Variants in RPL22 observed in about 807,000 individuals in gnomAD.
RPL22 encodes large ribosomal subunit protein eL22.
A neutral mutation model predicts 16.2 loss-of-function variants in RPL22; 4 were observed. The observed-to-expected ratio is 0.25, with a 90% confidence interval of 0.12 to 0.57. The LOEUF is 0.57. Among genes scored for constraint, RPL22 ranks in the 20% least tolerant of loss-of-function variants. The pLI, the probability that RPL22 is intolerant of heterozygous loss-of-function variation, is 0.92. For missense variants in RPL22, 83 were observed against 156.1 expected (o/e 0.53, Z 2.49); for synonymous variants, 43 against 54.8 (o/e 0.78, Z 0.95).
chr1:6,190,981 T>C (rs1480163311), intron 3 of RPL22, among the ~76,000 whole-genome samples: 1 of 151,844 alleles, frequency 6.6e-6, no homozygotes, highest in Non-Finnish European at 1.5e-5. Flanking sequence ...CCAGCACTTT[T>C]GGGAGGCCAA....
At chr1:6,190,882 G>A (rs1038875080) in intron 3 of RPL22, among the ~76,000 whole-genome samples, 2 of 152,172 alleles carry the variant, frequency 1.3e-5, no homozygotes, top group African/African-American at 4.8e-5. Context: ...CAGATTCCTT[G>A]TTCAGTGCCA....
At chr1:6,199,230 C>T (rs1667761481) in intron 1 of RPL22, 3 of 364,364 alleles carry the variant, frequency 8.2e-6, no homozygotes, top group Non-Finnish European at 1.4e-5. Flanking sequence ...CTTCCCCGCC[C>T]TCCACCCAGG....
chr1:6,190,348 T>C (rs1269365703), intron 3 of RPL22, among the ~76,000 whole-genome samples: 2 of 152,218 alleles, frequency 1.3e-5, no homozygotes, highest in Non-Finnish European at 1.5e-5. Context: ...TACCTTAAAA[T>C]TTCCCACCAC....
chr1:6,193,245 T>C (rs1164770244), intron 2 of RPL22, among the ~76,000 whole-genome samples, 191 bp from the exon 3 acceptor site: 1 of 151,956 alleles, frequency 6.6e-6, no homozygotes, highest in Non-Finnish European at 1.5e-5. Flanking sequence ...CAGACTCAAG[T>C]GATCCTCCCA....
At position 6,186,552 on chromosome 1, in the gene RPL22, T is replaced by C. The variant is rs1188078592; in HGVS notation, c.*120A>G. Reference sequence around the variant, plus strand: ...ATGAGTGGCGAACCAAGGGAAGCCCTTTGACTATGATTTCCAATTTTCTGT... The same window carrying C: ...ATGAGTGGCGAACCAAGGGAAGCCCCTTGACTATGATTTCCAATTTTCTGT... On this transcript the variant is annotated 3_prime_UTR_variant, in exon 4 of 4. Transcript: ENST00000234875. 3 of 635,342 alleles carry C rather than the reference T, an allele frequency of 4.7e-6. No homozygotes were observed. In the African/African-American group the frequency reaches 5.9e-5, roughly 12 times the overall value. The allele number at this position is 635,342 out of a possible 1,614,324, so 39.4% of individuals were successfully genotyped here.
At chr1:6,196,375 G>T (rs981305248) in intron 2 of RPL22, among the ~76,000 whole-genome samples, 1 of 152,134 alleles carries the variant, frequency 6.6e-6, no homozygotes, top group Non-Finnish European at 1.5e-5. Flanking sequence ...GATAGAGAAA[G>T]AACTAAGGAA....
At chr1:6,197,477 GAAACAAGACTTGGAAAC>G (rs1429606759) in intron 2 of RPL22, among the ~76,000 whole-genome samples, 158 bp downstream of exon 2, 1 of 152,192 alleles carries the variant, frequency 6.6e-6, no homozygotes, top group African/African-American at 2.4e-5. Flanking sequence ...CACACAAGAA[GAAACAAGACTTGGAAAC>G]AAACAAGTAA....
intron 3 of RPL22, among the ~76,000 whole-genome samples, chr1:6,191,940 A>G (rs1483084807): frequency 6.6e-6 from 1 of 151,406 alleles, no homozygotes; most frequent in Non-Finnish European, 1.5e-5. Flanking sequence ...CAGAGGTTGC[A>G]GTGAGCCAAG....
intron 3 of RPL22, among the ~76,000 whole-genome samples, chr1:6,190,229 C>A (rs925611811): frequency 2.0e-5 from 3 of 152,230 alleles, no homozygotes; most frequent in African/African-American, 7.2e-5. Context: ...AAGCCCCATT[C>A]TCACTGCTTC....
At chr1:6,196,518 G>A (rs941408332) in intron 2 of RPL22, among the ~76,000 whole-genome samples, 2 of 152,164 alleles carry the variant, frequency 1.3e-5, no homozygotes, top group Non-Finnish European at 2.9e-5. Context: ...TATTTTTGTT[G>A]TAATGATACT....
chr1:6,186,450 C>T lies in RPL22; in HGVS notation c.*222G>A. On this transcript the variant is annotated 3_prime_UTR_variant, in exon 4 of 4. Coordinates refer to ENST00000234875, the MANE Select transcript of RPL22 (RefSeq NM_000983.4). ...ATGGCTGTCAGTTCGGTAAAGTCACCCTCTCCTTCTACTCTGGTATTACCA... is the reference window on the plus strand; with the variant it reads ...ATGGCTGTCAGTTCGGTAAAGTCACTCTCTCCTTCTACTCTGGTATTACCA... 1 of 407,810 alleles carries T rather than the reference C, an allele frequency of 2.5e-6. No homozygotes were observed. The highest frequency in any genetic ancestry group is 4.4e-6 in the Non-Finnish European group (1 of 228,146). 25.3% of individuals were successfully genotyped at this position (407,810 alleles called of 1,614,324 possible).
Position 6,185,434 on chromosome 1 carries a change from A to G in RPL22, c.*1238T>C. On this transcript the variant is annotated 3_prime_UTR_variant, in exon 4 of 4. Transcript: ENST00000234875. ...GAAATGGAAAAATGCCAGAGCCTTTAACACAAGTGAAATTGCAAAGCCTCA... is the reference window on the plus strand; with the variant it reads ...GAAATGGAAAAATGCCAGAGCCTTTGACACAAGTGAAATTGCAAAGCCTCA... 1 of 398,932 alleles carries G rather than the reference A, an allele frequency of 2.5e-6. No homozygotes were observed. The highest frequency in any genetic ancestry group is 4.4e-6 in the Non-Finnish European group (1 of 225,988). 24.7% of individuals were successfully genotyped at this position (398,932 alleles called of 1,614,324 possible).
In RPL22 at chr1:6,195,653, G is replaced by A. The variant is rs1047127223; in HGVS notation, c.117+1999C>T. On this transcript the variant is annotated intron_variant, in intron 2 of 3. Coordinates refer to ENST00000234875, the MANE Select transcript of RPL22 (RefSeq NM_000983.4). ...TGTAATCTCAGCTACTCGGGAGGCT[G>A]AGAAAGAGAATCACTTAAACCTGGA... 4.0e-5 allele frequency among the ~76,000 whole-genome samples: 6 copies of A among 150,610 alleles called. No homozygotes were observed. In the South Asian group the frequency reaches 6.3e-4, roughly 16 times the overall value.
chr1:6,192,037 G>C (rs1311042483), intron 3 of RPL22, among the ~76,000 whole-genome samples: 2 of 149,734 alleles, frequency 1.3e-5, no homozygotes, highest in African/African-American at 4.9e-5. Flanking sequence ...CTGTGATCTA[G>C]AGACAGGAGG....
intron 1 of RPL22, chr1:6,198,531 C>G (rs1284010860): frequency 6.6e-6 from 1 of 152,236 alleles, no homozygotes; most frequent in South Asian, 2.1e-4. Flanking sequence ...ACTTGTGCAT[C>G]GTACCAACCT....
At chr1:6,197,551 C>A in intron 2 of RPL22, 101 bp downstream of exon 2, 2 of 718,532 alleles carry the variant, frequency 2.8e-6, no homozygotes, top group East Asian at 2.7e-5. Context: ...ACCTGTGAAG[C>A]TGCCTATAAG....
chr1:6,196,463 C>A (rs1050167486), intron 2 of RPL22, among the ~76,000 whole-genome samples: 1 of 152,152 alleles, frequency 6.6e-6, no homozygotes, highest in Non-Finnish European at 1.5e-5. Flanking sequence ...TACCTAAATT[C>A]CATTCTGGAT....
At chr1:6,197,024 A>G (rs180860692) in intron 2 of RPL22, among the ~76,000 whole-genome samples, 8 of 150,562 alleles carry the variant, frequency 5.3e-5, no homozygotes, top group African/African-American at 2.0e-4. Flanking sequence ...TCTGTTTCTC[A>G]GTAACTTTTT....
intron 3 of RPL22, among the ~76,000 whole-genome samples, chr1:6,189,008 A>T (rs1667616115): frequency 6.6e-6 from 1 of 151,766 alleles, no homozygotes; most frequent in Non-Finnish European, 1.5e-5. Context: ...CTGGTCTGGA[A>T]CTCCCGACCT....
Sources: allele counts gnomAD v4.1 joint callset (sites outside exome capture counted in the v4.1 genomes callset), GRCh38; gene constraint gnomAD v4.1.1; transcripts MANE v1.5; gene names NCBI Gene and HGNC (gene_info 2026-07-23, HGNC 2026-07-21).